Variants in TRPM7 observed in about 807,000 individuals in gnomAD.
TRPM7 encodes LTRPC ion channel family member 7.
TRPM7 carries 134 observed loss-of-function variants against 229.7 expected under a neutral mutation model. The observed-to-expected ratio is 0.58, with a 90% CI of 0.51 to 0.67. TRPM7 has a LOEUF of 0.67. Ranked by LOEUF, TRPM7 falls within the 30% of genes least tolerant of loss-of-function variation. The pLI is 0.00. For synonymous variants in TRPM7, 699 were observed against 715.2 expected (o/e 0.98, Z 0.36); for missense variants, 1,901 against 2,210.0 (o/e 0.86, Z 2.80).
intron 25 of TRPM7, among the ~76,000 whole-genome samples, chr15:50,593,307 AAAT>A (rs994317471): frequency 5.3e-5 from 8 of 151,820 alleles, no homozygotes; most frequent in African/African-American, 1.2e-4. Context: ...AAAATAAAAT[AAAT>A]AATAATAATA....
chr15:50,623,493 TCC>T (rs2060476159), intron 12 of TRPM7, among the ~76,000 whole-genome samples: 1 of 72,364 alleles, frequency 1.4e-5, no homozygotes, highest in Non-Finnish European at 3.5e-5. Flanking sequence ...CCCCGCCCCC[TCC>T]CCGCCCCGCC....
chr15:50,603,191 C>T (rs912913079), intron 21 of TRPM7, among the ~76,000 whole-genome samples: 1 of 152,130 alleles, frequency 6.6e-6, no homozygotes, highest in South Asian at 2.1e-4. Context: ...GGAAACAGTG[C>T]AGCGTGAAAG....
chr15:50,590,917 C>G (rs2059473909), intron 26 of TRPM7, among the ~76,000 whole-genome samples: 2 of 151,880 alleles, frequency 1.3e-5, no homozygotes, highest in South Asian at 4.1e-4. Flanking sequence ...GAAGTAATAT[C>G]AACATGTTTA....
intron 21 of TRPM7, among the ~76,000 whole-genome samples, chr15:50,601,524 C>T (rs962627859): frequency 6.6e-6 from 1 of 152,108 alleles, no homozygotes; most frequent in African/African-American, 2.4e-5. Context: ...CACCTGTAGT[C>T]CCAGCTACTC....
intron 5 of TRPM7, 37 bp from the exon 6 acceptor site, chr15:50,639,585 T>A (rs1226476286): frequency 6.3e-7 from 1 of 1,592,184 alleles, no homozygotes; most frequent in Admixed American, 1.7e-5. Context: ...TTGTTTTTTT[T>A]ATTTTCTTAA....
intron 10 of TRPM7, among the ~76,000 whole-genome samples, chr15:50,628,621 T>A (rs541016809): frequency 1.3e-5 from 2 of 152,222 alleles, no homozygotes; most frequent in African/African-American, 4.8e-5. Context: ...ACTTATGACA[T>A]CTCCCCACCA....
intron 36 of TRPM7, among the ~76,000 whole-genome samples, chr15:50,572,569 C>T (rs2053942846): frequency 6.6e-6 from 1 of 152,138 alleles, no homozygotes; most frequent in South Asian, 2.1e-4. Context: ...ATGTGATATG[C>T]TTTATTGCAA....
Position 50,678,506 on chromosome 15 carries a change from T to TAAA in TRPM7, c.3+8022_3+8024dup, listed in dbSNP as rs10553093. On this transcript the variant is annotated intron_variant, in intron 1 of 38. Transcript: ENST00000646667. ...GACCCTACTCTCTAGTTCCATTCTTTAAAAAAAAAAAATATATATATATAT... is the reference window on the plus strand; with the variant it reads ...GACCCTACTCTCTAGTTCCATTCTTTAAAAAAAAAAAAAAATATATATATATAT... 8.9e-3 allele frequency among the ~76,000 whole-genome samples: 1,144 copies of TAAA among 128,506 alleles called. 14 individuals carry two copies. The highest frequency in any genetic ancestry group is 0.033 in the African/African-American group (1,100 of 33,248). The allele number at this position is 128,506 out of a possible 152,430, so 84.3% of individuals were successfully genotyped here.
chr15:50,655,000 C>CAAAAAAAAAAAAAAAAAAAA (rs35388005), intron 3 of TRPM7, among the ~76,000 whole-genome samples: 1 of 69,448 alleles, frequency 1.4e-5, no homozygotes. Flanking sequence ...CACTCCGTCT[C>CAAAAAAAAAAAAAAAAAAAA]AAAAAAAAAA....
chr15:50,586,957 A>G lies in TRPM7; in HGVS notation c.4390-469T>C, dbSNP rs572636399. Among the ~76,000 whole-genome samples, 10 of 152,298 alleles carry G rather than the reference A, an allele frequency of 6.6e-5. No individual in the cohort carries two copies. The South Asian group carries it at 1.7e-3, about 25-fold the overall frequency. Reference sequence around the variant, plus strand: ...CTTGAACCCGGGAGGCGTAGGGTGCAGTGAGCCAAGATCAAGCCACTGCAC... The same window carrying G: ...CTTGAACCCGGGAGGCGTAGGGTGCGGTGAGCCAAGATCAAGCCACTGCAC... On this transcript the variant is annotated intron_variant, in intron 27 of 38. Coordinates refer to ENST00000646667, the MANE Select transcript of TRPM7 (RefSeq NM_017672.6).
intron 1 of TRPM7, among the ~76,000 whole-genome samples, chr15:50,675,197 G>C (rs1483222712): frequency 6.6e-6 from 1 of 152,086 alleles, no homozygotes; most frequent in Non-Finnish European, 1.5e-5. Context: ...ATAAAAATTA[G>C]CTGGGCATGG....
intron 1 of TRPM7, among the ~76,000 whole-genome samples, chr15:50,672,666 T>C (rs1215593807): frequency 6.6e-6 from 1 of 151,790 alleles, no homozygotes; most frequent in African/African-American, 2.4e-5. Flanking sequence ...CCCCAGCACT[T>C]TGGGAGGCTG....
chr15:50,612,210 C>A (rs891266142), intron 16 of TRPM7, among the ~76,000 whole-genome samples: 2 of 152,160 alleles, frequency 1.3e-5, no homozygotes, highest in South Asian at 4.1e-4. Flanking sequence ...TCCACCTCAG[C>A]CTCCTGAGTA....
chr15:50,629,778 T>C (rs1400208534), intron 10 of TRPM7, among the ~76,000 whole-genome samples: 1 of 151,794 alleles, frequency 6.6e-6, no homozygotes, highest in African/African-American at 2.4e-5. Flanking sequence ...AGATAAATAA[T>C]GTAAACCACT....
intron 15 of TRPM7, among the ~76,000 whole-genome samples, chr15:50,613,394 C>A (rs915300590): frequency 6.8e-6 from 1 of 146,976 alleles, no homozygotes; most frequent in African/African-American, 2.5e-5. Flanking sequence ...CTCAGCTACT[C>A]GGGAGGCTGA....
intron 19 of TRPM7, 40 bp downstream of exon 19, chr15:50,609,541 A>C: frequency 6.4e-7 from 1 of 1,564,844 alleles, no homozygotes; most frequent in Non-Finnish European, 8.6e-7. Flanking sequence ...CCAAAGCCTA[A>C]CTCTTAAAAA....
Position 50,589,632 on chromosome 15 carries a change from T to G in TRPM7, c.4349A>C (p.Gln1450Pro), listed in dbSNP as rs2059433415. 1.9e-6 allele frequency: 3 copies of G among 1,595,764 alleles called. No homozygotes were observed. The highest frequency in any genetic ancestry group is 2.6e-6 in the Non-Finnish European group (3 of 1,168,996). Reference protein sequence around the residue: ...FVGHRDSMDLQRFKETSNKIK... With the variant: ...FVGHRDSMDLPRFKETSNKIK... Reference sequence around the variant, plus strand: ...CTTGTTTGATGTTTCTTTAAACCTCTGTAAATCCATGCTATCTCTGTGTCC... The same window carrying G: ...CTTGTTTGATGTTTCTTTAAACCTCGGTAAATCCATGCTATCTCTGTGTCC... The change falls in exon 27 of 39, where the codon CAG becomes CCG. Residue 1450 changes from glutamine (Q) to proline (P), a missense_variant. Transcript: ENST00000646667.
At position 50,643,407 on chromosome 15, in the gene TRPM7, A is replaced by G; in HGVS notation, c.468T>C (p.Leu156=). 5.6e-6 allele frequency: 9 copies of G among 1,614,212 alleles called. No homozygotes were observed. Among genetic ancestry groups the G allele is most frequent in the Non-Finnish European group, 7.6e-6 (9 of 1,180,036 alleles). Residue 156 remains leucine, a synonymous_variant, in exon 5 of 39, where the codon CTT becomes CTC. Coordinates refer to ENST00000646667, the MANE Select transcript of TRPM7 (RefSeq NM_017672.6). ...FELHPRIKQL[L]GKGLIKAAVT... ...CTGCAGCTTTAATAAGACCTTTTCC[A>G]AGCAACTGCTTGATTCGTGGGTGAA...
At chr15:50,624,944 A>G (rs1596237137) in intron 11 of TRPM7, among the ~76,000 whole-genome samples, 1 of 152,226 alleles carries the variant, frequency 6.6e-6, no homozygotes, top group East Asian at 1.9e-4. Flanking sequence ...ATCATTCATC[A>G]TTATGGAAAA....
Sources: gnomAD v4.1 joint callset for allele counts (sites outside exome capture counted in the v4.1 genomes callset) on GRCh38, gnomAD v4.1.1 for gene constraint, MANE v1.5 for transcripts, NCBI Gene and HGNC (gene_info 2026-07-23, HGNC 2026-07-21) for gene names.